Variants in PHTF2 observed in about 807,000 individuals in gnomAD.
The protein encoded by PHTF2 is putative homeodomain transcription factor 2.
PHTF2 carries 60 observed loss-of-function variants against 101.2 expected under a neutral mutation model. The ratio of observed to expected loss-of-function variants is 0.59; its 90% CI spans 0.48 to 0.73. The LOEUF is 0.73. Ranked by LOEUF, PHTF2 falls within the 30% of genes least tolerant of loss-of-function variation. The probability of loss-of-function intolerance (pLI) is 0.00; values close to 1 mark genes in which losing one functional copy is unlikely to be tolerated. For synonymous variants in PHTF2, 311 were observed against 307.3 expected, an observed-to-expected ratio of 1.01 and a Z score of -0.13; for missense variants, 747 against 908.7, an observed-to-expected ratio of 0.82 and a Z score of 2.29.
intron 16 of PHTF2, among the ~76,000 whole-genome samples, chr7:77,949,422 A>G (rs946021266): frequency 3.9e-5 from 6 of 152,176 alleles, no homozygotes; most frequent in Non-Finnish European, 4.4e-5. Context: ...AGTGATTTCA[A>G]CTGAATCTGT....
intron 6 of PHTF2, among the ~76,000 whole-genome samples, 170 bp from the exon 6 acceptor site, chr7:77,901,592 T>C (rs921510616): frequency 6.6e-6 from 1 of 152,234 alleles, no homozygotes; most frequent in Non-Finnish European, 1.5e-5. Context: ...TTTCAAAAAA[T>C]GTTTTTTTCA....
exon 20 of PHTF2, chr7:77,956,146 T>G (rs1422928694): frequency 6.6e-6 from 1 of 152,512 alleles, no homozygotes; most frequent in African/African-American, 2.4e-5. Context: ...CATGAAACAG[T>G]TTTTGCAATT....
chr7:77,910,006 C>A, intron 8 of PHTF2: 1 of 344,640 alleles, frequency 2.9e-6, no homozygotes, highest in Non-Finnish European at 5.2e-6. Context: ...GCAATCCTTT[C>A]AATCTTCTGT....
At chr7:77,955,116 A>G in exon 20 of PHTF2, 1 of 266,810 alleles carries the variant, frequency 3.7e-6, no homozygotes, top group East Asian at 6.1e-5. Flanking sequence ...TGAAAGGGTG[A>G]TGAAACTGAT....
At chr7:77,898,238 C>T (rs1484721049) in intron 5 of PHTF2, among the ~76,000 whole-genome samples, 1 of 152,032 alleles carries the variant, frequency 6.6e-6, no homozygotes. Flanking sequence ...ATTCTTAAAA[C>T]AATCTTGATA....
At chr7:77,885,499 C>T (rs1038154251) in intron 3 of PHTF2, among the ~76,000 whole-genome samples, 4 of 151,956 alleles carry the variant, frequency 2.6e-5, no homozygotes, top group South Asian at 2.1e-4. Flanking sequence ...GGCTAGAGTG[C>T]GGTGGTGGGA....
At chr7:77,910,659 T>G (rs1392492454) in intron 9 of PHTF2, among the ~76,000 whole-genome samples, 3 of 152,118 alleles carry the variant, frequency 2.0e-5, no homozygotes, top group Non-Finnish European at 4.4e-5. Context: ...CTTTTTTTTT[T>G]GGGACAGAGT....
At chr7:77,842,295 C>T (rs1262730754) in intron 2 of PHTF2, among the ~76,000 whole-genome samples, 2 of 152,148 alleles carry the variant, frequency 1.3e-5, no homozygotes, top group African/African-American at 2.4e-5. Context: ...CCTTGACCTC[C>T]TGGGTTCAAG....
chr7:77,877,856 T>C (rs1310781271), intron 3 of PHTF2, among the ~76,000 whole-genome samples: 1 of 152,184 alleles, frequency 6.6e-6, no homozygotes, highest in Admixed American at 6.5e-5. Flanking sequence ...GTCTCAGCCG[T>C]CTGTCTCTGT....
At chr7:77,938,267 A>G (rs982973384) in intron 13 of PHTF2, among the ~76,000 whole-genome samples, 8 of 152,234 alleles carry the variant, frequency 5.3e-5, no homozygotes, top group Admixed American at 3.3e-4. Context: ...AAGACATGAA[A>G]AAATCAAACT....
intron 12 of PHTF2, among the ~76,000 whole-genome samples, chr7:77,932,135 A>T (rs775750843): frequency 6.6e-6 from 1 of 152,184 alleles, no homozygotes; most frequent in African/African-American, 2.4e-5. Context: ...ATGGCTATGA[A>T]TGTTTAGAAA....
chr7:77,849,648 G>C (rs1266869493), intron 2 of PHTF2, among the ~76,000 whole-genome samples: 1 of 152,158 alleles, frequency 6.6e-6, no homozygotes, highest in Non-Finnish European at 1.5e-5. Flanking sequence ...AGATTGCTTT[G>C]GGTAGTATGC....
intron 1 of PHTF2, among the ~76,000 whole-genome samples, chr7:77,839,195 A>T (rs1795690263): frequency 6.6e-6 from 1 of 152,082 alleles, no homozygotes. Context: ...GTGTCCTTGG[A>T]TGATTTTGGT....
At chr7:77,836,974 C>CAA (rs60178398) in intron 1 of PHTF2, among the ~76,000 whole-genome samples, 44 of 89,664 alleles carry the variant, frequency 4.9e-4, no homozygotes, top group African/African-American at 1.3e-3. Flanking sequence ...ATAAAAAAAG[C>CAA]AAAAAAAAAA....
At chr7:77,841,184 A>G (rs929753697) in intron 2 of PHTF2, among the ~76,000 whole-genome samples, 1 of 141,106 alleles carries the variant, frequency 7.1e-6, no homozygotes, top group African/African-American at 2.7e-5. Context: ...GGTTCAAGCG[A>G]TTCTCTTGTC....
chr7:77,927,318 G>A (rs375227940), intron 11 of PHTF2, among the ~76,000 whole-genome samples: 1 of 151,186 alleles, frequency 6.6e-6, no homozygotes, highest in Non-Finnish European at 1.5e-5. Context: ...ACTTCAGGCC[G>A]GGCTTGGTGG....
At chr7:77,887,318 A>G (rs1799950223) in intron 3 of PHTF2, among the ~76,000 whole-genome samples, 2 of 151,858 alleles carry the variant, frequency 1.3e-5, no homozygotes, top group South Asian at 2.1e-4. Context: ...TTGAATTTTC[A>G]TCTGTTTGAT....
At chr7:77,849,324 G>A (rs2150613149) in intron 2 of PHTF2, among the ~76,000 whole-genome samples, 1 of 151,464 alleles carries the variant, frequency 6.6e-6, no homozygotes, top group East Asian at 1.9e-4. Context: ...ATTTATTTTA[G>A]TAGAGACGGG....
At chr7:77,859,215 T>G (rs140076911) in intron 3 of PHTF2, among the ~76,000 whole-genome samples, 104 of 152,342 alleles carry the variant, frequency 6.8e-4, no homozygotes, top group African/African-American at 2.3e-3. Context: ...CTTAACTAAT[T>G]ACATCTGCAA....
Sources: gnomAD v4.1 joint callset for allele counts (sites outside exome capture counted in the v4.1 genomes callset) on GRCh38, gnomAD v4.1.1 for gene constraint, MANE v1.5 for transcripts, NCBI Gene and HGNC (gene_info 2026-07-23, HGNC 2026-07-21) for gene names.